Variants in WDFY2 observed in about 807,000 individuals in gnomAD.
The protein encoded by WDFY2 is WD repeat and FYVE domain-containing protein 2.
In WDFY2, 36 loss-of-function variants were observed where a neutral mutation model predicts 56.4. The ratio of observed to expected loss-of-function variants is 0.64; its 90% CI spans 0.49 to 0.84. WDFY2 has a LOEUF of 0.84. Among genes scored for constraint, WDFY2 ranks in the 40% least tolerant of loss-of-function variants. WDFY2 has a pLI of 0.00. For synonymous variants in WDFY2, 176 were observed against 183.7 expected, an observed-to-expected ratio of 0.96 and a Z score of 0.34; for missense variants, 444 against 512.2, an observed-to-expected ratio of 0.87 and a Z score of 1.29.
chr13:51,668,910 A>G (rs1214471162), intron 2 of WDFY2, among the ~76,000 whole-genome samples: 1 of 152,254 alleles, frequency 6.6e-6, no homozygotes, highest in Non-Finnish European at 1.5e-5. Flanking sequence ...AAAATACATT[A>G]GTCATAAAAT....
intron 1 of WDFY2, among the ~76,000 whole-genome samples, chr13:51,649,934 GT>G (rs1197659171): frequency 6.6e-6 from 1 of 152,060 alleles, no homozygotes; most frequent in South Asian, 2.1e-4. Flanking sequence ...CTTTAAAGTA[GT>G]TTTTTCCAAT....
intron 1 of WDFY2, chr13:51,589,826 G>T (rs1954011029): frequency 6.6e-6 from 1 of 152,116 alleles, no homozygotes; most frequent in Non-Finnish European, 1.5e-5. Flanking sequence ...ATCACTTGGT[G>T]GTAATAATTG....
intron 1 of WDFY2, among the ~76,000 whole-genome samples, chr13:51,601,608 G>A (rs1299593502): frequency 6.6e-6 from 1 of 152,074 alleles, no homozygotes; most frequent in Non-Finnish European, 1.5e-5. Flanking sequence ...ACAGACGGGG[G>A]TTTTACCACG....
intron 6 of WDFY2, among the ~76,000 whole-genome samples, chr13:51,731,155 C>T (rs1000528193): frequency 7.9e-5 from 12 of 152,280 alleles, no homozygotes; most frequent in African/African-American, 2.9e-4. Flanking sequence ...GGTGATGGAC[C>T]TGATGGTTCC....
At chr13:51,737,551 T>TAAAAAAAAAAAAAAAAAAAAAAAA (rs67418551) in intron 6 of WDFY2, among the ~76,000 whole-genome samples, 1 of 53,246 alleles carries the variant, frequency 1.9e-5, no homozygotes, top group Non-Finnish European at 3.2e-5. Flanking sequence ...ACAATGAATT[T>TAAAAAAAAAAAAAAAAAAAAAAAA]AAAAAAAAAA....
intron 4 of WDFY2, among the ~76,000 whole-genome samples, chr13:51,704,779 T>C (rs1205998056): frequency 6.6e-6 from 1 of 152,220 alleles, no homozygotes. Flanking sequence ...TTATTATTTA[T>C]CAAGTTTTAA....
chr13:51,714,442 C>T (rs1207799302), intron 4 of WDFY2, among the ~76,000 whole-genome samples: 1 of 152,116 alleles, frequency 6.6e-6, no homozygotes, highest in Non-Finnish European at 1.5e-5. Flanking sequence ...CAGGCGCTTG[C>T]CACCATGCCC....
At chr13:51,742,130 G>T (rs989992553) in intron 7 of WDFY2, among the ~76,000 whole-genome samples, 1 of 152,212 alleles carries the variant, frequency 6.6e-6, no homozygotes, top group Non-Finnish European at 1.5e-5. Flanking sequence ...CAGCCATTCT[G>T]TTGAGGGACA....
At chr13:51,617,874 G>A (rs1954649154) in intron 1 of WDFY2, among the ~76,000 whole-genome samples, 2 of 152,244 alleles carry the variant, frequency 1.3e-5, no homozygotes, top group African/African-American at 2.4e-5. Flanking sequence ...GCCATTGACT[G>A]CAAAAAGCTA....
In WDFY2 at chr13:51,767,457, C is replaced by T. The variant is rs1264607562; in HGVS notation, c.*7688C>T. 2 of 152,180 alleles carry T rather than the reference C, an allele frequency of 1.3e-5. No individual in the cohort carries two copies. Among genetic ancestry groups the T allele is most frequent in the Non-Finnish European group, 2.9e-5 (2 of 68,052 alleles). The allele number at this position is 152,180 out of a possible 1,614,324, so 9.4% of individuals were successfully genotyped here. A position where few individuals can be genotyped will look rare whatever the true frequency, so the allele number is the denominator to read the frequency against. ...TCCAGGACCACTGAGAAGCTGCAGC[C>T]GTCTGGGTTTTCCTCTGCTATGGGG... On this transcript the variant is annotated 3_prime_UTR_variant, in exon 12 of 12. Coordinates refer to ENST00000298125, the MANE Select transcript of WDFY2 (RefSeq NM_052950.4).
At chr13:51,673,300 GAGGAAATCACAC>G (rs1417735131) in intron 2 of WDFY2, among the ~76,000 whole-genome samples, 4 of 152,184 alleles carry the variant, frequency 2.6e-5, no homozygotes, top group African/African-American at 7.2e-5. Flanking sequence ...ATGGACTTTG[GAGGAAATCACAC>G]AGGAAATACT....
intron 6 of WDFY2, among the ~76,000 whole-genome samples, chr13:51,736,096 G>A (rs1952828235): frequency 6.6e-6 from 1 of 152,292 alleles, no homozygotes; most frequent in East Asian, 1.9e-4. Flanking sequence ...CCTTAAGGCT[G>A]ACTCAACAAA....
intron 2 of WDFY2, among the ~76,000 whole-genome samples, chr13:51,667,499 T>C (rs987840548): frequency 1.3e-5 from 2 of 152,190 alleles, no homozygotes; most frequent in African/African-American, 4.8e-5. Flanking sequence ...GAAAAGTTCA[T>C]GTGGGTATAT....
At position 51,763,518 on chromosome 13, in the gene WDFY2, G is replaced by T. The variant is rs953005861; in HGVS notation, c.*3749G>T. The T allele has an allele frequency of 1.3e-5, 2 of 152,168 alleles. No homozygotes were observed. Among genetic ancestry groups the T allele is most frequent in the African/African-American group, 4.8e-5 (2 of 41,426 alleles). 9.4% of individuals were successfully genotyped at this position (152,168 alleles called of 1,614,324 possible). A position where few individuals can be genotyped will look rare whatever the true frequency, so the allele number is the denominator to read the frequency against. On this transcript the variant is annotated 3_prime_UTR_variant, in exon 12 of 12. Transcript: ENST00000298125. ...TGAGATTCATTTTATAAAAGTAAAG[G>T]CCAGGTGCCATGGCTCACACCTATA...
Position 51,760,975 on chromosome 13 carries a change from TTTAAG to T in WDFY2, c.*1209_*1213del, listed in dbSNP as rs965466577. 1.3e-5 allele frequency: 2 copies of T among 152,256 alleles called. No homozygotes were observed. Among genetic ancestry groups the T allele is most frequent in the Non-Finnish European group, 2.9e-5 (2 of 68,072 alleles). The allele number at this position is 152,256 out of a possible 1,614,324, so 9.4% of individuals were successfully genotyped here. A position where few individuals can be genotyped will look rare whatever the true frequency, so the allele number is the denominator to read the frequency against. ...CATACATGCTCTGAAAATAAGTGTCTTTAAGTTGTGTTTTTCTGTGTGACATCATC... is the reference window on the plus strand; with the variant it reads ...CATACATGCTCTGAAAATAAGTGTCTTTGTGTTTTTCTGTGTGACATCATC... On this transcript the variant is annotated 3_prime_UTR_variant, in exon 12 of 12. Coordinates refer to ENST00000298125, the MANE Select transcript of WDFY2 (RefSeq NM_052950.4).
In WDFY2 at chr13:51,667,879, C is replaced by CTTTTTTTTTTTTTTTTTTTTT. The variant is rs66771214; in HGVS notation, c.205+7226_205+7246dup. On this transcript the variant is annotated intron_variant, in intron 2 of 11. Transcript: ENST00000298125. ...GAAGAAAAAGGTACCTGAGGAACTT[C>CTTTTTTTTTTTTTTTTTTTTT]TTTTTTTTTTTTTTTTTTTTTTTTT... 1.6e-4 allele frequency among the ~76,000 whole-genome samples: 8 copies of CTTTTTTTTTTTTTTTTTTTTT among 50,046 alleles called. 2 individuals are homozygous for CTTTTTTTTTTTTTTTTTTTTT. The highest frequency in any genetic ancestry group is 8.0e-4 in the African/African-American group (8 of 10,014). The allele number at this position is 50,046 out of a possible 152,430, so 32.8% of individuals were successfully genotyped here. A position where few individuals can be genotyped will look rare whatever the true frequency, so the allele number is the denominator to read the frequency against.
intron 1 of WDFY2, among the ~76,000 whole-genome samples, chr13:51,627,455 G>A (rs956694233): frequency 2.6e-5 from 4 of 151,950 alleles, no homozygotes; most frequent in African/African-American, 4.8e-5. Context: ...TGCAATCTCC[G>A]CCTCCTGGGT....
rs567971162 is a variant in WDFY2, at chr13:51,665,921, C to A, written c.205+5258C>A. ...AGGTAGTTACAAATAAAGAGGCACA[C>A]CTAATGTAGCGATGAAATGACCTGT... On this transcript the variant is annotated intron_variant, in intron 2 of 11. Transcript: ENST00000298125. Among the ~76,000 whole-genome samples the A allele has an allele frequency of 3.9e-5, 6 of 152,272 alleles. No individual in the cohort carries two copies. In the South Asian group the frequency reaches 1.2e-3, roughly 32 times the overall value.
rs74086240 is a variant in WDFY2, at chr13:51,683,125, T to A, written c.279+7882T>A. Among the ~76,000 whole-genome samples, 515 of 152,324 alleles carry A rather than the reference T, an allele frequency of 3.4e-3. 3 individuals are homozygous for A. Among genetic ancestry groups the A allele is most frequent in the African/African-American group, 0.012 (495 of 41,564 alleles). ...ACTGAAGATGCTCTGAATGGATGAC[T>A]GGAGAAGATGTAGCAAATTTGTCAT... On this transcript the variant is annotated intron_variant, in intron 3 of 11. Transcript: ENST00000298125.
Sources: allele counts gnomAD v4.1 joint callset (sites outside exome capture counted in the v4.1 genomes callset), GRCh38; gene constraint gnomAD v4.1.1; transcripts MANE v1.5; gene names NCBI Gene and HGNC (gene_info 2026-07-23, HGNC 2026-07-21).